The following FLI1 variants were observed in gnomAD, a reference collection of about 807,000 sequenced individuals.
FLI1 encodes the protein Friend leukemia integration 1 transcription factor.
Under a neutral mutation model 53.1 loss-of-function variants are expected in FLI1, and 13 were observed. That is an observed-to-expected ratio of 0.24 (90% CI 0.16 to 0.39). The LOEUF (loss-of-function observed/expected upper bound fraction) is 0.39, where lower values mean the gene tolerates loss of function less well. FLI1 is among the 10% of genes least tolerant of loss of function. The pLI, the probability that FLI1 is intolerant of heterozygous loss-of-function variation, is 1.00. For synonymous variants in FLI1, 244 were observed against 236.7 expected (o/e 1.03, Z -0.28); for missense variants, 424 against 600.5 (o/e 0.71, Z 3.07).
At chr11:128,708,898 C>T (rs536711996) in intron 1 of FLI1, among the ~76,000 whole-genome samples, 21 of 152,312 alleles carry the variant, frequency 1.4e-4, no homozygotes, top group African/African-American at 4.3e-4. Context: ...CCAAATGTGA[C>T]TTCATGCCCA....
At chr11:128,730,467 C>CATTCT (rs1222306858) in intron 1 of FLI1, among the ~76,000 whole-genome samples, 4 of 152,234 alleles carry the variant, frequency 2.6e-5, no homozygotes, top group African/African-American at 9.6e-5. Flanking sequence ...CAAGAACATG[C>CATTCT]ATTCTATTCT....
intron 5 of FLI1, among the ~76,000 whole-genome samples, chr11:128,782,378 T>C (rs1941942394): frequency 6.6e-6 from 1 of 152,216 alleles, no homozygotes; most frequent in South Asian, 2.1e-4. Flanking sequence ...CCAGCATGTC[T>C]ACCTTTAAAG....
intron 1 of FLI1, among the ~76,000 whole-genome samples, chr11:128,710,216 T>C (rs1591742111): frequency 2.0e-5 from 3 of 152,284 alleles, no homozygotes; most frequent in African/African-American, 7.2e-5. Context: ...CATTTGCCCA[T>C]ATTCTACCCA....
At chr11:128,722,670 C>A (rs1420770438) in intron 1 of FLI1, among the ~76,000 whole-genome samples, 1 of 152,130 alleles carries the variant, frequency 6.6e-6, no homozygotes, top group African/African-American at 2.4e-5. Context: ...AAATGACAGT[C>A]CTTGAGATGT....
At chr11:128,724,441 G>T (rs1939388025) in intron 1 of FLI1, among the ~76,000 whole-genome samples, 1 of 152,182 alleles carries the variant, frequency 6.6e-6, no homozygotes, top group South Asian at 2.1e-4. Flanking sequence ...TAGGGAATTT[G>T]GGTTTTCTGT....
chr11:128,773,069 G>T (rs186123365), intron 4 of FLI1, 84 bp downstream of exon 4: 4 of 1,289,376 alleles, frequency 3.1e-6, no homozygotes, highest in Non-Finnish European at 4.4e-6. Context: ...CTGCCCGTTC[G>T]TGTTGGGCAG....
At chr11:128,690,681 G>A (rs190181975), upstream of FLI1, among the ~76,000 whole-genome samples, 571 of 152,358 alleles carry the variant, frequency 3.7e-3, 5 homozygotes, top group Non-Finnish European at 5.2e-3. Context: ...TATTTCCTGA[G>A]TATTCACGCC....
intron 1 of FLI1, among the ~76,000 whole-genome samples, chr11:128,732,737 C>G (rs1939752352): frequency 6.6e-6 from 1 of 152,098 alleles, no homozygotes. Context: ...CAACACATAA[C>G]CAAAGCAAGT....
intron 1 of FLI1, among the ~76,000 whole-genome samples, chr11:128,729,774 T>C (rs1361600430): frequency 6.6e-6 from 1 of 152,230 alleles, no homozygotes; most frequent in East Asian, 1.9e-4. Context: ...TGGAAGAGCA[T>C]GTCCCAGGTA....
intron 5 of FLI1, among the ~76,000 whole-genome samples, chr11:128,792,331 T>C (rs1443547440): frequency 6.6e-6 from 1 of 152,226 alleles, no homozygotes; most frequent in African/African-American, 2.4e-5. Flanking sequence ...TATTCATCTA[T>C]TGACTCCTGC....
At chr11:128,710,370 G>A (rs1938738295) in intron 1 of FLI1, among the ~76,000 whole-genome samples, 1 of 152,080 alleles carries the variant, frequency 6.6e-6, no homozygotes, top group South Asian at 2.1e-4. Context: ...CTAGGTATTA[G>A]GGTGTTATCC....
chr11:128,788,200 T>C (rs1313402015), intron 5 of FLI1, among the ~76,000 whole-genome samples: 1 of 152,160 alleles, frequency 6.6e-6, no homozygotes, highest in African/African-American at 2.4e-5. Context: ...CCGGGCATGG[T>C]GGTTCATGCC....
chr11:128,777,262 T>A (rs12283770), intron 4 of FLI1, among the ~76,000 whole-genome samples: 1 of 151,398 alleles, frequency 6.6e-6, no homozygotes, highest in Non-Finnish European at 1.5e-5. Flanking sequence ...CCGGGGGAGG[T>A]GGGGAGGCAG....
At position 128,781,986 on chromosome 11, in the gene FLI1, C is replaced by T. The variant is rs952247955; in HGVS notation, c.618C>T (p.Ser206=). 1.2e-6 allele frequency: 2 copies of T among 1,613,902 alleles called. No individual in the cohort carries two copies. The highest frequency in any genetic ancestry group is 1.6e-4 in the Middle Eastern group (1 of 6,062). The part of the protein sequence containing the change: ...ESSLLAYNTT[S]HTDQSSRLSV... ...CACTGCTGGCCTATAATACAACCTC[C>T]CACACCGACCAATCCTCACGATTGA... The change falls in exon 5 of 9, where the codon TCC becomes TCT. Residue 206 remains serine, a synonymous_variant. Coordinates refer to ENST00000527786, the MANE Select transcript of FLI1 (RefSeq NM_002017.5).
Position 128,758,323 on chromosome 11 carries a change from C to T in FLI1, c.227C>T (p.Ser76Phe), listed in dbSNP as rs1474853611. 2 of 1,612,216 alleles carry T rather than the reference C, an allele frequency of 1.2e-6. No homozygotes were observed. Among genetic ancestry groups the T allele is most frequent in the Middle Eastern group, 1.7e-4 (1 of 6,060 alleles). Residue 76 changes from serine (S) to phenylalanine (F), a missense_variant, in exon 2 of 9, where the codon TCC becomes TTC. Ser to Phe is a radical substitution (Grantham distance 155). Coordinates refer to ENST00000527786, the MANE Select transcript of FLI1 (RefSeq NM_002017.5). ...VKREYDHMNG[S>F]RESPVDCSVS... ...CGGGAGTATGACCACATGAATGGAT[C>T]CAGGTAAGCTCACCAGGCCTGTGCA... is the stretch of plus-strand genomic sequence containing the variant.
At chr11:128,720,419 A>G (rs1350213530) in intron 1 of FLI1, among the ~76,000 whole-genome samples, 1 of 152,216 alleles carries the variant, frequency 6.6e-6, no homozygotes, top group East Asian at 1.9e-4. Flanking sequence ...GGCTCTAAAA[A>G]GGAGCCCACG....
chr11:128,797,640 G>A (rs540093540), intron 5 of FLI1, among the ~76,000 whole-genome samples: 1 of 152,298 alleles, frequency 6.6e-6, no homozygotes, highest in African/African-American at 2.4e-5. Flanking sequence ...TCTAGCGATT[G>A]TTGTGTTCTC....
At chr11:128,770,015 C>T (rs1591797671) in intron 3 of FLI1, among the ~76,000 whole-genome samples, 1 of 152,174 alleles carries the variant, frequency 6.6e-6, no homozygotes, top group African/African-American at 2.4e-5. Context: ...GGAGGGAAAG[C>T]TTGCTGGACT....
intron 2 of FLI1, among the ~76,000 whole-genome samples, chr11:128,762,074 G>A (rs1186538510): frequency 2.0e-5 from 3 of 152,152 alleles, no homozygotes; most frequent in Non-Finnish European, 4.4e-5. Context: ...GAAGCAAGGA[G>A]TTTTAGAAAA....
Sources: allele counts gnomAD v4.1 joint callset (sites outside exome capture counted in the v4.1 genomes callset), GRCh38; gene constraint gnomAD v4.1.1; transcripts MANE v1.5; gene names NCBI Gene and HGNC (gene_info 2026-07-23, HGNC 2026-07-21).